RBFOX3: variants seen among roughly 807,000 people sequenced by gnomAD.
RBFOX3 encodes RNA binding protein fox-1 homolog 3.
RBFOX3 carries 17 observed loss-of-function variants against 48.7 expected under a neutral mutation model. The observed-to-expected ratio is 0.35, with a 90% CI of 0.24 to 0.52. The LOEUF (loss-of-function observed/expected upper bound fraction) is 0.52, where lower values mean the gene tolerates loss of function less well. Among genes scored for constraint, RBFOX3 ranks in the 20% least tolerant of loss-of-function variants. The pLI is 0.94. For missense variants in RBFOX3, 382 were observed against 497.5 expected, an observed-to-expected ratio of 0.77 and a Z score of 2.21; for synonymous variants, 212 against 209.5, an observed-to-expected ratio of 1.01 and a Z score of -0.10.
chr17:79,181,760 A>G (rs1282795261), intron 4 of RBFOX3, among the ~76,000 whole-genome samples: 1 of 152,132 alleles, frequency 6.6e-6, no homozygotes, highest in Non-Finnish European at 1.5e-5. Flanking sequence ...TCCCTCATGC[A>G]TGGGCCCTTG....
chr17:79,160,298 G>T (rs561451996), intron 4 of RBFOX3, among the ~76,000 whole-genome samples: 1 of 152,242 alleles, frequency 6.6e-6, no homozygotes, highest in African/African-American at 2.4e-5. Context: ...GGGTGGACCT[G>T]GGGGCCATGC....
intron 1 of RBFOX3, among the ~76,000 whole-genome samples, chr17:79,538,969 T>G (rs937362709): frequency 3.9e-5 from 6 of 152,122 alleles, no homozygotes; most frequent in Non-Finnish European, 7.4e-5. Flanking sequence ...AAACAACCAG[T>G]AAACACACGA....
At chr17:79,256,647 G>C (rs76479046) in intron 3 of RBFOX3, among the ~76,000 whole-genome samples, 11,036 of 152,206 alleles carry the variant, frequency 0.073, 435 homozygotes, top group East Asian at 0.17. Flanking sequence ...GCCAGGTACG[G>C]TGGCTCATGC....
At chr17:79,619,939 G>A in the RBFOX3 span, among the ~76,000 whole-genome samples, 1 of 152,204 alleles carries the variant, frequency 6.6e-6, no homozygotes, top group Non-Finnish European at 1.5e-5. Flanking sequence ...AACAGCAATC[G>A]TGGCTGCTTC....
chr17:79,130,918 G>A (rs1324752909), intron 4 of RBFOX3, among the ~76,000 whole-genome samples: 1 of 152,262 alleles, frequency 6.6e-6, no homozygotes, highest in Non-Finnish European at 1.5e-5. Context: ...GTGGTGCTAG[G>A]ACACGGTGCG....
At chr17:79,593,509 G>A (rs998202463) in intron 1 of RBFOX3, among the ~76,000 whole-genome samples, 1 of 152,178 alleles carries the variant, frequency 6.6e-6, no homozygotes, top group Non-Finnish European at 1.5e-5. Context: ...CATGGCCACG[G>A]GAGGGTGGGC....
chr17:79,092,346 T>C (rs1479879306), intron 14 of RBFOX3: 2 of 985,334 alleles, frequency 2.0e-6, no homozygotes, highest in South Asian at 9.4e-5. Context: ...AAAGTCAAAA[T>C]AGGAAATCAC....
rs1284224137 is a variant in RBFOX3 at position 79,319,919 on chromosome 17, C to T, written c.-174-12095G>A. 2.0e-4 allele frequency among the ~76,000 whole-genome samples: 24 copies of T among 122,924 alleles called. 5 individuals are homozygous for T. The highest frequency in any genetic ancestry group is 7.1e-4 in the African/African-American group (20 of 28,342). 80.6% of individuals were successfully genotyped at this position (122,924 alleles called of 152,430 possible). A position where few individuals can be genotyped will look rare whatever the true frequency, so the allele number is the denominator to read the frequency against. The stretch of plus-strand genomic sequence containing the variant: ...GGGCTGCTGGTCTATGTCTGGGCTG[C>T]TGGTCTATGTCTGGGCTGTTGGTCT... On this transcript the variant is annotated intron_variant, in intron 2 of 14. Transcript: ENST00000693108.
the RBFOX3 span, among the ~76,000 whole-genome samples, chr17:79,620,171 A>ACACT: frequency 3.6e-5 from 5 of 139,988 alleles, no homozygotes; most frequent in African/African-American, 1.3e-4. Context: ...ACATGCACAC[A>ACACT]CATGCACACA....
intron 4 of RBFOX3, among the ~76,000 whole-genome samples, chr17:79,197,125 T>C (rs1209386252): frequency 6.7e-6 from 1 of 150,242 alleles, no homozygotes; most frequent in Non-Finnish European, 1.5e-5. Flanking sequence ...GTGGGTAAAA[T>C]GGAAGGAGGT....
upstream of RBFOX3, among the ~76,000 whole-genome samples, chr17:79,614,471 C>G (rs1030350630): frequency 5.0e-5 from 1 of 20,162 alleles, no homozygotes; most frequent in Non-Finnish European, 2.5e-4. Context: ...TGCCAACCAG[C>G]TTTGCAGCCC....
At chr17:79,310,522 T>C (rs1015734901) in intron 2 of RBFOX3, among the ~76,000 whole-genome samples, 3 of 150,180 alleles carry the variant, frequency 2.0e-5, no homozygotes, top group African/African-American at 4.9e-5. Context: ...CTCTCCTACC[T>C]GCTCCCCAGC....
chr17:79,523,052 T>C (rs917996131), intron 1 of RBFOX3, among the ~76,000 whole-genome samples: 2 of 151,520 alleles, frequency 1.3e-5, no homozygotes, highest in Admixed American at 1.3e-4. Flanking sequence ...ATCCCGTAGA[T>C]TCCACTGATT....
intron 3 of RBFOX3, among the ~76,000 whole-genome samples, chr17:79,237,354 A>T (rs895508748): frequency 6.6e-6 from 1 of 152,200 alleles, no homozygotes; most frequent in Non-Finnish European, 1.5e-5. Flanking sequence ...ACATTGCTTC[A>T]TTCAGCCCTC....
chr17:79,627,103 G>A, the RBFOX3 span, among the ~76,000 whole-genome samples: 11 of 152,224 alleles, frequency 7.2e-5, no homozygotes, highest in Admixed American at 6.5e-5. Context: ...AGCCACACAC[G>A]GAGGTGTGAC....
intron 3 of RBFOX3, among the ~76,000 whole-genome samples, chr17:79,273,166 G>A (rs1478563014): frequency 6.6e-6 from 1 of 152,150 alleles, no homozygotes; most frequent in Non-Finnish European, 1.5e-5. Context: ...CCCTGCCTGT[G>A]CCAGCAGATC....
chr17:79,351,171 C>G (rs1020003225), intron 2 of RBFOX3, among the ~76,000 whole-genome samples: 1 of 152,236 alleles, frequency 6.6e-6, no homozygotes, highest in Non-Finnish European at 1.5e-5. Context: ...TCGACAGACA[C>G]TTGCTTTGCT....
intron 4 of RBFOX3, among the ~76,000 whole-genome samples, chr17:79,142,236 G>A (rs930401160): frequency 8.6e-5 from 13 of 152,038 alleles, no homozygotes; most frequent in African/African-American, 2.7e-4. Context: ...ATTCCCTCCC[G>A]GTCCCCGGCC....
chr17:79,201,372 G>T (rs2056731076), intron 4 of RBFOX3, among the ~76,000 whole-genome samples: 1 of 152,182 alleles, frequency 6.6e-6, no homozygotes, highest in Admixed American at 6.5e-5. Flanking sequence ...AGGATGTTTT[G>T]CTCCCAGAAC....
Sources: gnomAD v4.1 joint callset for allele counts (sites outside exome capture counted in the v4.1 genomes callset) on GRCh38, gnomAD v4.1.1 for gene constraint, MANE v1.5 for transcripts, NCBI Gene and HGNC (gene_info 2026-07-23, HGNC 2026-07-21) for gene names.